The following SYCP2 variants were observed in gnomAD, a reference collection of about 807,000 sequenced individuals.
SYCP2 encodes synaptonemal complex protein 2.
SYCP2 carries 55 observed loss-of-function variants against 211.3 expected under a neutral mutation model. The observed-to-expected ratio is 0.26, with a 90% CI of 0.21 to 0.33. SYCP2 has a LOEUF of 0.33. Ranked by LOEUF, SYCP2 falls within the 10% of genes least tolerant of loss-of-function variation. SYCP2 has a pLI of 1.00. For synonymous variants in SYCP2, 570 were observed against 555.2 expected (o/e 1.03, Z -0.37); for missense variants, 1,731 against 1,752.0 (o/e 0.99, Z 0.21).
At chr20:59,928,795 A>T (rs1003697473) in intron 2 of SYCP2, among the ~76,000 whole-genome samples, 4 of 152,108 alleles carry the variant, frequency 2.6e-5, no homozygotes, top group Non-Finnish European at 5.9e-5. Context: ...ATTTTGCCAT[A>T]AAAAAATAAG....
intron 2 of SYCP2, among the ~76,000 whole-genome samples, chr20:59,927,248 T>G (rs2060649968): frequency 6.6e-6 from 1 of 152,260 alleles, no homozygotes; most frequent in East Asian, 1.9e-4. Flanking sequence ...GTCTTTAACT[T>G]GTAAAGGGTT....
At chr20:59,876,787 C>A (rs1411360013) in intron 33 of SYCP2, among the ~76,000 whole-genome samples, 1 of 152,026 alleles carries the variant, frequency 6.6e-6, no homozygotes, top group East Asian at 1.9e-4. Context: ...ATACACTATA[C>A]TAAAATAGTA....
intron 15 of SYCP2, among the ~76,000 whole-genome samples, chr20:59,905,417 A>C (rs973950862): frequency 1.3e-5 from 2 of 152,208 alleles, no homozygotes; most frequent in Non-Finnish European, 2.9e-5. Context: ...ACAATGGACT[A>C]ACACTCAGCA....
Position 59,926,967 on chromosome 20 carries a change from A to C in SYCP2, c.-46-4508T>G, listed in dbSNP as rs188969208. On this transcript the variant is annotated intron_variant, in intron 2 of 44. Coordinates refer to ENST00000357552, the MANE Select transcript of SYCP2 (RefSeq NM_014258.4). ...AAACAAGTCAGATTCTGGATAACTG[A>C]CAGAGACTGGTCTACTGGAAATATA... is the stretch of plus-strand genomic sequence containing the variant. Among the ~76,000 whole-genome samples the C allele has an allele frequency of 1.6e-3, 236 of 152,246 alleles. 3 individuals carry two copies. Among genetic ancestry groups the C allele is most frequent in the African/African-American group, 5.6e-3 (232 of 41,554 alleles).
chr20:59,920,382 T>G lies in SYCP2; in HGVS notation c.274A>C (p.Ile92Leu). ...ATCTTTTGTATTAGTCCTTGTTTTATCATCGTTAGAAGTCCAGCTTGCCCC... is the reference window on the plus strand; with the variant it reads ...ATCTTTTGTATTAGTCCTTGTTTTAGCATCGTTAGAAGTCCAGCTTGCCCC... ...VLGQAGLLTM[I>L]KQGLIQKMVA... Residue 92 changes from isoleucine (I) to leucine (L), a missense_variant, in exon 5 of 45, where the codon ATA becomes CTA. Around this residue, in one of 3 missense-constraint regions of SYCP2, gnomAD observed 335 missense variants for 378.8 expected, o/e 0.88. Coordinates refer to ENST00000357552, the MANE Select transcript of SYCP2 (RefSeq NM_014258.4). 10 of 1,608,778 alleles carry G rather than the reference T, an allele frequency of 6.2e-6. No homozygotes were observed. Among genetic ancestry groups the G allele is most frequent in the Non-Finnish European group, 7.6e-6 (9 of 1,176,584 alleles).
chr20:59,888,106 C>G (rs892808543), intron 24 of SYCP2, among the ~76,000 whole-genome samples: 3 of 152,000 alleles, frequency 2.0e-5, no homozygotes, highest in African/African-American at 7.2e-5. Context: ...TGCCAATTCT[C>G]CACAATCTTC....
intron 38 of SYCP2, 95 bp from the exon 39 acceptor site, chr20:59,867,942 G>A (rs979790830): frequency 1.9e-5 from 16 of 842,252 alleles, no homozygotes; most frequent in African/African-American, 7.0e-5. Flanking sequence ...CTTATTTTCC[G>A]AATCTATGTG....
Position 59,922,399 on chromosome 20 carries a change from T to C in SYCP2, c.15A>G (p.Pro5=). 6.4e-7 allele frequency: 1 copy of C among 1,569,888 alleles called. No individual in the cohort carries two copies. The highest frequency in any genetic ancestry group is 8.6e-7 in the Non-Finnish European group (1 of 1,164,688). ...GTCTAGGACTACATACCTGGAGATC[T>C]GGTCTTATTGGCATTTTGACTTCAT... MPIR[P]DLQQLEKCID... Residue 5 remains proline (P), a synonymous_variant, in exon 3 of 45, where the codon CCA becomes CCG. Transcript: ENST00000357552.
chr20:59,868,598 G>A (rs531260770), intron 37 of SYCP2, 30 bp from the exon 38 acceptor site: 68 of 1,539,376 alleles, frequency 4.4e-5, no homozygotes, highest in South Asian at 6.4e-5. Context: ...AGTTAAAAGC[G>A]CTGCAATTTT....
intron 21 of SYCP2, 22 bp downstream of exon 21, chr20:59,893,502 A>T (rs779213810): frequency 1.3e-6 from 2 of 1,533,834 alleles, no homozygotes; most frequent in Non-Finnish European, 1.8e-6. Context: ...AAAATGACTA[A>T]ATTAAACCAC....
At chr20:59,901,596 CTT>C (rs2060116447) in intron 16 of SYCP2, 64 bp downstream of exon 16, 3 of 1,033,672 alleles carry the variant, frequency 2.9e-6, no homozygotes, top group African/African-American at 1.7e-5. Context: ...CGCAATAAAA[CTT>C]ATAACGCCAA....
rs564821848 is a variant in SYCP2 at position 59,875,302 on chromosome 20, A to C, written c.3318T>G (p.Ser1106=). The stretch of plus-strand genomic sequence containing the variant: ...TTACTTCTATAGATGATGGACTGCC[A>C]GATAAAGATCTGGGAGATAAGTCAA... ...NCLDLSPRSL[S]GSPSSIEVTR... is the part of the protein sequence containing the mutation. The change falls in exon 34 of 45, where the codon TCT becomes TCG. Residue 1106 remains serine, a synonymous_variant. Coordinates refer to ENST00000357552, the MANE Select transcript of SYCP2 (RefSeq NM_014258.4). The C allele has an allele frequency of 8.7e-6, 14 of 1,610,716 alleles. No individual in the cohort carries two copies. The African/African-American group carries it at 1.3e-4, about 15-fold the overall frequency.
At position 59,890,963 on chromosome 20, in the gene SYCP2, G is replaced by T. The variant is rs540493703; in HGVS notation, c.2364+1027C>A. ...ACCCAAGAAAAAAAGGGACCCAAAA[G>T]AATATGATTAAAGAAGAAAACAGCC... On this transcript the variant is annotated intron_variant, in intron 24 of 44. Coordinates refer to ENST00000357552, the MANE Select transcript of SYCP2 (RefSeq NM_014258.4). Among the ~76,000 whole-genome samples the T allele has an allele frequency of 2.6e-4, 40 of 151,922 alleles. No homozygotes were observed. In the South Asian group the frequency reaches 7.9e-3, roughly 30 times the overall value.
chr20:59,888,125 A>T (rs1227360322), intron 24 of SYCP2, among the ~76,000 whole-genome samples: 1 of 152,108 alleles, frequency 6.6e-6, no homozygotes, highest in African/African-American at 2.4e-5. Context: ...TCTACAAGAT[A>T]GAAGAGTAGG....
At chr20:59,909,700 T>C (rs564691150) in intron 14 of SYCP2, among the ~76,000 whole-genome samples, 9 of 152,246 alleles carry the variant, frequency 5.9e-5, no homozygotes, top group Non-Finnish European at 1.3e-4. Flanking sequence ...CTTTCAATTC[T>C]TTCAATGTTC....
At chr20:59,880,228 TA>T in intron 31 of SYCP2, 74 bp downstream of exon 31, 2 of 1,186,620 alleles carry the variant, frequency 1.7e-6, no homozygotes, top group Non-Finnish European at 2.4e-6. Context: ...ACAATAAGCT[TA>T]TATAAAGCAT....
At chr20:59,904,255 G>A (rs533607389) in intron 15 of SYCP2, among the ~76,000 whole-genome samples, 1 of 152,080 alleles carries the variant, frequency 6.6e-6, no homozygotes, top group African/African-American at 2.4e-5. Flanking sequence ...ATCATCCTCA[G>A]GCATATACTC....
chr20:59,925,756 CAG>C (rs979990967), intron 2 of SYCP2, among the ~76,000 whole-genome samples: 9 of 152,114 alleles, frequency 5.9e-5, no homozygotes, highest in African/African-American at 1.9e-4. Context: ...CCTCATCAAA[CAG>C]AGGATTACTG....
At chr20:59,886,079 C>CA (rs2145701116) in intron 25 of SYCP2, 115 bp from the exon 26 acceptor site, 1 of 744,664 alleles carries the variant, frequency 1.3e-6, no homozygotes, top group East Asian at 2.9e-5. Flanking sequence ...TAAAAATAAC[C>CA]AAAATGTAAC....
Sources: gnomAD v4.1 joint callset for allele counts (sites outside exome capture counted in the v4.1 genomes callset) on GRCh38, gnomAD v4.1.1 for gene constraint, gnomAD v4.1.1 regional missense constraint, MANE v1.5 for transcripts, NCBI Gene and HGNC (gene_info 2026-07-23, HGNC 2026-07-21) for gene names.